The following AAGAB variants were observed in gnomAD, a reference collection of about 807,000 sequenced individuals.
AAGAB encodes alpha and gamma adaptin binding protein.
Under a neutral mutation model 44.1 loss-of-function variants are expected in AAGAB, and 38 were observed. That is an observed-to-expected ratio of 0.86 (90% confidence interval 0.67 to 1.13). The LOEUF (loss-of-function observed/expected upper bound fraction) is 1.13, where lower values mean the gene tolerates loss of function less well. AAGAB is among the 50% of genes most tolerant of loss of function. AAGAB has a pLI of 0.00. For missense variants in AAGAB, 450 were observed against 373.8 expected, an observed-to-expected ratio of 1.20 and a Z score of -1.68; for synonymous variants, 131 against 131.8, an observed-to-expected ratio of 0.99 and a Z score of 0.04.
chr15:67,202,741 G>A lies in AAGAB; in HGVS notation c.*80C>T. ...AGCCAACATGATAAGGGCAATTTTG[G>A]CAAAATATGACTGGGCTGAGTAGAG... On this transcript the variant is annotated 3_prime_UTR_variant, in exon 10 of 10. Transcript: ENST00000261880. 8.2e-6 allele frequency: 12 copies of A among 1,469,866 alleles called. No homozygotes were observed. Among genetic ancestry groups the A allele is most frequent in the Non-Finnish European group, 1.1e-5 (12 of 1,051,806 alleles). The allele number at this position is 1,469,866 out of a possible 1,614,324, so 91.1% of individuals were successfully genotyped here.
rs10518716 is a variant in AAGAB at position 67,202,485 on chromosome 15, G to C, written c.*336C>G. On this transcript the variant is annotated 3_prime_UTR_variant, in exon 10 of 10. Coordinates refer to ENST00000261880, the MANE Select transcript of AAGAB (RefSeq NM_024666.5). ...TGAATGCTGGAAATGCTACTTAAAA[G>C]GTTGACCAGGAATGGCCTGGAGGTT... 53,966 of 235,686 alleles carry C rather than the reference G, an allele frequency of 0.23. 7,325 individuals are homozygous for C. Among genetic ancestry groups the C allele is most frequent in the East Asian group, 0.48 (5,587 of 11,676 alleles). The allele number at this position is 235,686 out of a possible 1,614,324, so 14.6% of individuals were successfully genotyped here.
At chr15:67,231,255 T>C (rs1027271910) in intron 5 of AAGAB, among the ~76,000 whole-genome samples, 2 of 152,188 alleles carry the variant, frequency 1.3e-5, no homozygotes, top group African/African-American at 4.8e-5. Flanking sequence ...GGTCAGAACA[T>C]AGAACTGTTA....
chr15:67,213,814 A>G (rs1422926460), intron 5 of AAGAB, among the ~76,000 whole-genome samples: 2 of 152,258 alleles, frequency 1.3e-5, no homozygotes, highest in African/African-American at 2.4e-5. Flanking sequence ...GTGCAAGGTA[A>G]TATTTTAGGT....
chr15:67,250,545 AG>A (rs1270873614), intron 1 of AAGAB, among the ~76,000 whole-genome samples: 1 of 152,204 alleles, frequency 6.6e-6, no homozygotes, highest in Non-Finnish European at 1.5e-5. Flanking sequence ...TTTTAGCTGC[AG>A]TAACTGGAAC....
chr15:67,205,031 C>T (rs1309349341), intron 7 of AAGAB, among the ~76,000 whole-genome samples: 3 of 152,232 alleles, frequency 2.0e-5, no homozygotes, highest in Non-Finnish European at 4.4e-5. Flanking sequence ...GGTTCCACTG[C>T]ATCTTTGCAA....
chr15:67,249,012 A>G (rs1238286350), intron 1 of AAGAB, among the ~76,000 whole-genome samples: 2 of 152,234 alleles, frequency 1.3e-5, no homozygotes, highest in Non-Finnish European at 2.9e-5. Flanking sequence ...TAAATCTTGC[A>G]TAAAAATAAG....
intron 7 of AAGAB, among the ~76,000 whole-genome samples, chr15:67,206,832 G>T (rs1963695116): frequency 6.6e-6 from 1 of 152,126 alleles, no homozygotes; most frequent in Non-Finnish European, 1.5e-5. Context: ...CCAAGTCCTG[G>T]AATCAACCAC....
At chr15:67,218,851 A>G (rs1262754495) in intron 5 of AAGAB, among the ~76,000 whole-genome samples, 1 of 152,244 alleles carries the variant, frequency 6.6e-6, no homozygotes, top group Non-Finnish European at 1.5e-5. Flanking sequence ...CTGAGGTTTT[A>G]TCTACATCCC....
chr15:67,236,259 A>C lies in AAGAB; in HGVS notation c.361+149T>G, dbSNP rs1478667862. On this transcript the variant is annotated intron_variant, in intron 3 of 9. Transcript: ENST00000261880. ...TTCTTAAAAAAAAAGTAAGTATTAC[A>C]AGATTCCAAAGAAAAATAGCTGAAA... The C allele has an allele frequency of 1.1e-5, 10 of 929,178 alleles. No homozygotes were observed. The Middle Eastern group carries it at 6.6e-4, about 61-fold the overall frequency. 57.6% of individuals were successfully genotyped at this position (929,178 alleles called of 1,614,324 possible).
At chr15:67,243,974 A>C (rs915281060) in intron 1 of AAGAB, among the ~76,000 whole-genome samples, 1 of 152,258 alleles carries the variant, frequency 6.6e-6, no homozygotes, top group Non-Finnish European at 1.5e-5. Context: ...CCTAAACAGG[A>C]CAATTACGAG....
chr15:67,237,760 T>C (rs550482011), intron 1 of AAGAB, among the ~76,000 whole-genome samples: 1 of 152,180 alleles, frequency 6.6e-6, no homozygotes, highest in South Asian at 2.1e-4. Flanking sequence ...TGCCATTAAT[T>C]GACTTATCAG....
At chr15:67,219,356 CCT>C (rs1964017778) in intron 5 of AAGAB, among the ~76,000 whole-genome samples, 1 of 152,120 alleles carries the variant, frequency 6.6e-6, no homozygotes, top group South Asian at 2.1e-4. Flanking sequence ...CAATAATGTC[CCT>C]GTTTCTTCTG....
intron 4 of AAGAB, 48 bp from the exon 5 acceptor site, chr15:67,231,945 G>C: frequency 6.7e-7 from 1 of 1,482,220 alleles, no homozygotes; most frequent in Non-Finnish European, 9.4e-7. Context: ...CACTCACACA[G>C]ATATACATAT....
Position 67,200,873 on chromosome 15 carries a change from A to G in AAGAB, c.*1948T>C, listed in dbSNP as rs973677189. Reference sequence around the variant, plus strand: ...GCATAGCTGAGGTCTTAAAAACATGACATTACATATGCAGGGTAAATTCTA... The same window carrying G: ...GCATAGCTGAGGTCTTAAAAACATGGCATTACATATGCAGGGTAAATTCTA... On this transcript the variant is annotated 3_prime_UTR_variant, in exon 10 of 10. Transcript: ENST00000261880. 6.6e-6 allele frequency among the ~76,000 whole-genome samples: 1 copy of G among 152,244 alleles called. No individual in the cohort carries two copies. The highest frequency in any genetic ancestry group is 1.5e-5 in the Non-Finnish European group (1 of 68,046).
chr15:67,208,871 G>A (rs911054766), intron 6 of AAGAB, among the ~76,000 whole-genome samples: 4 of 152,104 alleles, frequency 2.6e-5, no homozygotes, highest in South Asian at 2.1e-4. Context: ...ACTAGAAAGC[G>A]TTGATTTTGC....
intron 5 of AAGAB, among the ~76,000 whole-genome samples, chr15:67,218,459 C>G (rs1413401941): frequency 6.6e-6 from 1 of 152,096 alleles, no homozygotes; most frequent in East Asian, 1.9e-4. Context: ...AACAAACAAA[C>G]AAACAAAAAA....
At chr15:67,238,697 A>AATTT (rs1964526255) in intron 1 of AAGAB, among the ~76,000 whole-genome samples, 1 of 137,458 alleles carries the variant, frequency 7.3e-6, no homozygotes, top group Non-Finnish European at 1.6e-5. Flanking sequence ...AATCAGTCTT[A>AATTT]ATTTTTTTTT....
intron 5 of AAGAB, chr15:67,220,489 T>C (rs888902237): frequency 6.6e-6 from 1 of 152,226 alleles, no homozygotes; most frequent in Non-Finnish European, 1.5e-5. Flanking sequence ...ACAAACTCAC[T>C]GTGTGAATAT....
chr15:67,205,993 A>C (rs1219211201), intron 7 of AAGAB, among the ~76,000 whole-genome samples: 1 of 152,218 alleles, frequency 6.6e-6, no homozygotes, highest in Admixed American at 6.5e-5. Context: ...AATTATAAAA[A>C]TCAAGAAGTT....
Sources: gnomAD v4.1 joint callset for allele counts (sites outside exome capture counted in the v4.1 genomes callset) on GRCh38, gnomAD v4.1.1 for gene constraint, MANE v1.5 for transcripts, NCBI Gene and HGNC (gene_info 2026-07-23, HGNC 2026-07-21) for gene names.